The following PTK2 variants were observed in gnomAD, a reference collection of about 807,000 sequenced individuals.
PTK2 encodes the protein focal adhesion kinase 1.
Under a neutral mutation model 150.1 loss-of-function variants are expected in PTK2, and 45 were observed. The ratio of observed to expected loss-of-function variants is 0.30; its 90% CI spans 0.24 to 0.38. The LOEUF is 0.38. Among genes scored for constraint, PTK2 ranks in the 10% least tolerant of loss-of-function variants. The pLI is 1.00. For missense variants in PTK2, 919 were observed against 1,307.3 expected (o/e 0.70, Z 4.58); for synonymous variants, 432 against 449.2 (o/e 0.96, Z 0.48).
At chr8:140,770,631 G>T in intron 14 of PTK2, 85 bp downstream of exon 15, 1 of 601,126 alleles carries the variant, frequency 1.7e-6, no homozygotes, top group Non-Finnish European at 2.4e-6. Flanking sequence ...ATCTGTTCAG[G>T]ATAATCTATA....
intron 4 of PTK2, among the ~76,000 whole-genome samples, chr8:140,874,996 A>G (rs535289881): frequency 3.9e-5 from 6 of 152,348 alleles, no homozygotes; most frequent in African/African-American, 1.4e-4. Flanking sequence ...GATAAACAAC[A>G]CATATATAAT....
chr8:140,670,491 ACACACACACAC>A (rs1370799124), intron 29 of PTK2, among the ~76,000 whole-genome samples: 2 of 24,854 alleles, frequency 8.0e-5, no homozygotes, highest in African/African-American at 1.8e-4. Context: ...AAACAACAAC[ACACACACACAC>A]ACACACACAC....
chr8:140,902,996 T>C (rs1454451735), intron 2 of PTK2, among the ~76,000 whole-genome samples: 7 of 145,566 alleles, frequency 4.8e-5, no homozygotes, highest in Non-Finnish European at 1.1e-4. Flanking sequence ...TAGATGCCAT[T>C]TGTCAATTTG....
intron 26 of PTK2, among the ~76,000 whole-genome samples, chr8:140,687,478 A>T (rs139540063): frequency 9.2e-5 from 14 of 152,286 alleles, no homozygotes; most frequent in Non-Finnish European, 1.5e-4. Context: ...AGATACCTCT[A>T]TGTTGGCACC....
intron 26 of PTK2, among the ~76,000 whole-genome samples, chr8:140,691,156 C>G (rs1027877061): frequency 6.6e-6 from 1 of 151,204 alleles, no homozygotes; most frequent in Non-Finnish European, 1.5e-5. Context: ...GATTATTTCC[C>G]TGGGACAGAT....
chr8:140,878,639 T>C (rs1234715172), intron 4 of PTK2, among the ~76,000 whole-genome samples: 1 of 152,104 alleles, frequency 6.6e-6, no homozygotes, highest in Non-Finnish European at 1.5e-5. Flanking sequence ...GTTTGTCTTT[T>C]AAAATGTCTA....
chr8:140,813,591 A>C (rs146548846), intron 10 of PTK2, among the ~76,000 whole-genome samples: 2,442 of 152,236 alleles, frequency 0.016, 51 homozygotes, highest in African/African-American at 0.056. Context: ...AAGTGCTTTG[A>C]AATGAATGAG....
intron 22 of PTK2, among the ~76,000 whole-genome samples, chr8:140,733,416 T>C (rs750556650): frequency 1.3e-4 from 20 of 151,316 alleles, no homozygotes; most frequent in Non-Finnish European, 2.9e-4. Context: ...TGAGAGAAAA[T>C]GGGAGAAAAT....
intron 26 of PTK2, 56 bp downstream of exon 29, chr8:140,700,835 T>A: frequency 1.9e-6 from 3 of 1,592,184 alleles, no homozygotes; most frequent in African/African-American, 2.7e-5. Context: ...ATTTGCAATA[T>A]AGTAGACTCT....
intron 1 of PTK2, among the ~76,000 whole-genome samples, chr8:140,985,532 G>A (rs1057022060): frequency 2.0e-5 from 3 of 152,052 alleles, no homozygotes; most frequent in African/African-American, 7.2e-5. Flanking sequence ...CAACATCCAG[G>A]CTTTTGCCCA....
At chr8:140,706,400 A>C (rs938307880) in intron 23 of PTK2, among the ~76,000 whole-genome samples, 195 bp from the exon 27 acceptor site, 1 of 152,254 alleles carries the variant, frequency 6.6e-6, no homozygotes, top group Non-Finnish European at 1.5e-5. Flanking sequence ...ACATGTGAAA[A>C]ACTGAAGTCT....
intron 5 of PTK2, among the ~76,000 whole-genome samples, chr8:140,849,563 A>G (rs1312921938): frequency 6.6e-6 from 1 of 152,208 alleles, no homozygotes; most frequent in Non-Finnish European, 1.5e-5. Context: ...TTTACATGTA[A>G]TATCTCATTT....
At chr8:140,968,020 A>C (rs1016401593) in intron 1 of PTK2, among the ~76,000 whole-genome samples, 2 of 152,244 alleles carry the variant, frequency 1.3e-5, no homozygotes, top group Admixed American at 1.3e-4. Context: ...TTTATGCTTC[A>C]AAATAATTTT....
At chr8:140,996,954 C>T (rs1024973333) in intron 1 of PTK2, among the ~76,000 whole-genome samples, 3 of 152,136 alleles carry the variant, frequency 2.0e-5, no homozygotes, top group Non-Finnish European at 4.4e-5. Context: ...TCTGATAGAT[C>T]TGGGCTAAGT....
Position 140,793,388 on chromosome 8 carries a change from CG to C in PTK2, c.1094-5del, listed in dbSNP as rs777044423. On this transcript the variant is annotated splice_polypyrimidine_tract_variant and splice_region_variant and intron_variant, in intron 12 of 31. Transcript: ENST00000522684. ...GATGGCAAAGCCCGTTCACCTTCTG[CG>C]GGGAAAAAGAAAAGAGATGCATAAG... 2 of 1,608,616 alleles carry C rather than the reference CG, an allele frequency of 1.2e-6. No homozygotes were observed. The highest frequency in any genetic ancestry group is 2.2e-5 in the East Asian group (1 of 44,604).
At chr8:140,823,332 G>C (rs1177743092) in intron 8 of PTK2, among the ~76,000 whole-genome samples, 1 of 152,120 alleles carries the variant, frequency 6.6e-6, no homozygotes, top group African/African-American at 2.4e-5. Context: ...TTCCCAACCA[G>C]CTGCTGGTTT....
chr8:140,681,583 C>G (rs551514609), intron 27 of PTK2, among the ~76,000 whole-genome samples: 14 of 152,014 alleles, frequency 9.2e-5, no homozygotes, highest in Non-Finnish European at 1.6e-4. Context: ...CGAGACCATC[C>G]CGGCTAACAC....
intron 19 of PTK2, among the ~76,000 whole-genome samples, 155 bp downstream of exon 22, chr8:140,744,497 A>C (rs1010118430): frequency 1.3e-5 from 2 of 152,232 alleles, no homozygotes; most frequent in Non-Finnish European, 1.5e-5. Flanking sequence ...AATAGATTCC[A>C]ATGGTATACA....
chr8:140,732,893 TGAA>T (rs1459095149), intron 22 of PTK2, among the ~76,000 whole-genome samples: 4 of 152,016 alleles, frequency 2.6e-5, no homozygotes, highest in East Asian at 3.9e-4. Flanking sequence ...TCTCCCCAAA[TGAA>T]GAAGGAGGCA....
Sources: gnomAD v4.1 joint callset for allele counts (sites outside exome capture counted in the v4.1 genomes callset) on GRCh38, gnomAD v4.1.1 for gene constraint, MANE v1.5 for transcripts, NCBI Gene and HGNC (gene_info 2026-07-23, HGNC 2026-07-21) for gene names.